The following C8orf34 variants were observed in gnomAD, a reference collection of about 807,000 sequenced individuals.
C8orf34 encodes uncharacterized protein C8orf34.
C8orf34 carries 65 observed loss-of-function variants against 68.3 expected under a neutral mutation model. The ratio of observed to expected loss-of-function variants is 0.95; its 90% CI spans 0.78 to 1.17. The LOEUF is 1.17. Ranked by LOEUF, C8orf34 falls within the 50% of genes most tolerant of loss-of-function variation. The pLI is 0.00. For synonymous variants in C8orf34, 244 were observed against 241.2 expected, an observed-to-expected ratio of 1.01 and a Z score of -0.11; for missense variants, 664 against 655.4, an observed-to-expected ratio of 1.01 and a Z score of -0.14.
intron 4 of C8orf34, among the ~76,000 whole-genome samples, chr8:68,484,899 G>A (rs1356414618): frequency 1.3e-5 from 2 of 152,182 alleles, no homozygotes; most frequent in Non-Finnish European, 2.9e-5. Flanking sequence ...TAATTTCTCA[G>A]GCAAAGTCAT....
chr8:68,371,651 G>A (rs1466205103), intron 1 of C8orf34, among the ~76,000 whole-genome samples: 1 of 150,630 alleles, frequency 6.6e-6, no homozygotes, highest in Non-Finnish European at 1.5e-5. Context: ...CCTGGCTAGA[G>A]TGCAATGGCA....
intron 8 of C8orf34, among the ~76,000 whole-genome samples, chr8:68,662,477 A>G (rs991544639): frequency 6.6e-6 from 1 of 152,122 alleles, no homozygotes; most frequent in Non-Finnish European, 1.5e-5. Flanking sequence ...TCATGGGGGA[A>G]GTTTCCCCCA....
chr8:68,485,648 G>A (rs1276051635), intron 4 of C8orf34, among the ~76,000 whole-genome samples: 1 of 151,558 alleles, frequency 6.6e-6, no homozygotes, highest in Non-Finnish European at 1.5e-5. Context: ...GGAGGTGGGG[G>A]TTGCAGTGAG....
At chr8:68,716,533 A>G (rs747061196) in intron 9 of C8orf34, among the ~76,000 whole-genome samples, 7 of 152,120 alleles carry the variant, frequency 4.6e-5, no homozygotes, top group Non-Finnish European at 1.0e-4. Context: ...CAGATGAAAA[A>G]TACTTAAATT....
intron 1 of C8orf34, among the ~76,000 whole-genome samples, chr8:68,427,564 A>T (rs186046371): frequency 6.6e-5 from 10 of 152,264 alleles, no homozygotes; most frequent in African/African-American, 2.2e-4. Context: ...GGTGGATGTG[A>T]CTATAGAGTG....
At chr8:68,537,330 T>G (rs1008158005) in intron 7 of C8orf34, among the ~76,000 whole-genome samples, 1 of 152,076 alleles carries the variant, frequency 6.6e-6, no homozygotes, top group Non-Finnish European at 1.5e-5. Flanking sequence ...TCTTTTTATC[T>G]CTTTGTTTCT....
intron 12 of C8orf34, among the ~76,000 whole-genome samples, chr8:68,796,124 G>A (rs1343922130): frequency 6.6e-6 from 1 of 152,212 alleles, no homozygotes; most frequent in Non-Finnish European, 1.5e-5. Flanking sequence ...GGCTACTGCA[G>A]AGCTAGAGAG....
intron 4 of C8orf34, among the ~76,000 whole-genome samples, chr8:68,487,630 C>G (rs1337987625): frequency 6.6e-6 from 1 of 152,184 alleles, no homozygotes; most frequent in African/African-American, 2.4e-5. Context: ...GCCTTAATAT[C>G]TAATTATTCT....
chr8:68,708,913 G>T (rs1821251801), intron 8 of C8orf34, 81 bp from the exon 9 acceptor site: 4 of 982,040 alleles, frequency 4.1e-6, no homozygotes, highest in Non-Finnish European at 6.3e-6. Context: ...GAAGTTCACA[G>T]CCATGTCCCC....
chr8:68,815,177 T>C (rs1824773259), intron 12 of C8orf34, among the ~76,000 whole-genome samples: 1 of 152,166 alleles, frequency 6.6e-6, no homozygotes, highest in South Asian at 2.1e-4. Flanking sequence ...TTTTATTTTG[T>C]CACTCTTTTG....
intron 8 of C8orf34, among the ~76,000 whole-genome samples, chr8:68,657,234 T>C (rs1184299108): frequency 4.6e-5 from 7 of 152,188 alleles, no homozygotes; most frequent in Admixed American, 4.6e-4. Context: ...GTAAAGTTCT[T>C]GCAATAGTCT....
At chr8:68,429,548 T>A (rs1810366896) in intron 1 of C8orf34, among the ~76,000 whole-genome samples, 1 of 152,222 alleles carries the variant, frequency 6.6e-6, no homozygotes, top group Non-Finnish European at 1.5e-5. Context: ...AACAGAAACT[T>A]GTGCACATGT....
At chr8:68,466,397 CTA>C (rs2129629679) in intron 3 of C8orf34, among the ~76,000 whole-genome samples, 1 of 151,880 alleles carries the variant, frequency 6.6e-6, no homozygotes, top group East Asian at 1.9e-4. Context: ...AATATGTTCT[CTA>C]TGTTGATATT....
intron 9 of C8orf34, among the ~76,000 whole-genome samples, chr8:68,719,014 T>C (rs980106928): frequency 6.6e-6 from 1 of 152,054 alleles, no homozygotes; most frequent in African/African-American, 2.4e-5. Flanking sequence ...TTGAAAATCA[T>C]ATATAAAAGA....
In C8orf34 at chr8:68,797,050, C is replaced by T. The variant is rs536059227; in HGVS notation, c.1549+9514C>T. ...CCATGTTGGTCAGGCTGGCCTCAAA[C>T]TCCTGATCTTAGGTGATCCACCCAC... On this transcript the variant is annotated intron_variant, in intron 12 of 13. Coordinates refer to ENST00000518698, the MANE Select transcript of C8orf34 (RefSeq NM_052958.4). Among the ~76,000 whole-genome samples the T allele has an allele frequency of 1.2e-4, 18 of 152,276 alleles. No homozygotes were observed. The East Asian group carries it at 3.5e-3, about 30-fold the overall frequency.
chr8:68,679,951 TA>T (rs2130872162), intron 8 of C8orf34, among the ~76,000 whole-genome samples: 1 of 152,288 alleles, frequency 6.6e-6, no homozygotes, highest in Admixed American at 6.5e-5. Flanking sequence ...ATGATTCAAA[TA>T]TAAGGCCTCA....
chr8:68,434,152 G>C (rs1369303133), intron 1 of C8orf34, among the ~76,000 whole-genome samples: 1 of 152,062 alleles, frequency 6.6e-6, no homozygotes, highest in Admixed American at 6.6e-5. Flanking sequence ...TTTACTTTAA[G>C]TTCTGGGGTA....
At chr8:68,711,676 G>A (rs1177491490) in intron 9 of C8orf34, among the ~76,000 whole-genome samples, 1 of 152,104 alleles carries the variant, frequency 6.6e-6, no homozygotes, top group Non-Finnish European at 1.5e-5. Context: ...TCTCCAAGAA[G>A]TTTGGGACTG....
chr8:68,466,977 G>A (rs996566629), intron 3 of C8orf34, among the ~76,000 whole-genome samples: 12 of 151,552 alleles, frequency 7.9e-5, no homozygotes, highest in African/African-American at 2.4e-4. Context: ...AATGGTACAT[G>A]GTTTAAAAAA....
Sources: allele counts gnomAD v4.1 joint callset (sites outside exome capture counted in the v4.1 genomes callset), GRCh38; gene constraint gnomAD v4.1.1; transcripts MANE v1.5; gene names NCBI Gene and HGNC (gene_info 2026-07-23, HGNC 2026-07-21).